TRPM7: variants seen among roughly 807,000 people sequenced by gnomAD.
The protein encoded by TRPM7 is LTRPC ion channel family member 7.
In TRPM7, 134 loss-of-function variants were observed where a neutral mutation model predicts 229.7. The ratio of observed to expected loss-of-function variants is 0.58; its 90% CI spans 0.51 to 0.67. TRPM7 has a LOEUF of 0.67. Among genes scored for constraint, TRPM7 ranks in the 30% least tolerant of loss-of-function variants. The pLI is 0.00. For synonymous variants in TRPM7, 699 were observed against 715.2 expected, an observed-to-expected ratio of 0.98 and a Z score of 0.36; for missense variants, 1,901 against 2,210.0, an observed-to-expected ratio of 0.86 and a Z score of 2.80.
intron 1 of TRPM7, among the ~76,000 whole-genome samples, chr15:50,666,273 C>T (rs923302254): frequency 2.7e-5 from 4 of 150,436 alleles, no homozygotes; most frequent in East Asian, 2.0e-4. Flanking sequence ...CCCATCTCTA[C>T]GAAAAATACA....
At position 50,574,492 on chromosome 15, in the gene TRPM7, A is replaced by C. The variant is rs2141502116; in HGVS notation, c.5103-13T>G. 1 of 1,594,358 alleles carries C rather than the reference A, an allele frequency of 6.3e-7. No individual in the cohort carries two copies. The highest frequency in any genetic ancestry group is 8.5e-7 in the Non-Finnish European group (1 of 1,170,246). ...AACTTCAAGGAACCTTATAAAAAAT[A>C]GTTATAAATATTACTAGCAGTTTTG... On this transcript the variant is annotated splice_polypyrimidine_tract_variant and intron_variant, in intron 35 of 38. Coordinates refer to ENST00000646667, the MANE Select transcript of TRPM7 (RefSeq NM_017672.6).
At chr15:50,650,332 G>A (rs1376566368) in intron 3 of TRPM7, among the ~76,000 whole-genome samples, 1 of 151,386 alleles carries the variant, frequency 6.6e-6, no homozygotes, top group Non-Finnish European at 1.5e-5. Context: ...CCAGAGTAGA[G>A]ATCTCATAAC....
rs1469862010 is a variant in TRPM7, at chr15:50,575,091, T to C, written c.4780A>G (p.Ile1594Val). 1 of 1,614,024 alleles carries C rather than the reference T, an allele frequency of 6.2e-7. No individual in the cohort carries two copies. The highest frequency in any genetic ancestry group is 1.3e-5 in the African/African-American group (1 of 75,050). ...CAAGAAGACATGCTGTTATTTAGTA[T>C]GTTGGGTGAACTCTCTTCCAAACGA... ...VYRLEESSPN[I>V]LNNSMSSWSQ... Residue 1594 changes from isoleucine to valine, a missense_variant, in exon 34 of 39, where the codon ATA becomes GTA. This residue lies in a region of TRPM7 where 257 missense variants were observed against 352.0 expected (regional missense o/e 0.73). Transcript: ENST00000646667.
At chr15:50,630,206 T>C (rs2060690624) in intron 10 of TRPM7, among the ~76,000 whole-genome samples, 1 of 151,866 alleles carries the variant, frequency 6.6e-6, no homozygotes, top group Non-Finnish European at 1.5e-5. Context: ...TTTTTTTTCC[T>C]TTTTGGTTTC....
At chr15:50,678,873 C>A (rs145898779) in intron 1 of TRPM7, among the ~76,000 whole-genome samples, 7 of 150,290 alleles carry the variant, frequency 4.7e-5, no homozygotes, top group Non-Finnish European at 1.0e-4. Flanking sequence ...TTTGCAAAAA[C>A]AAAAAAAAAA....
chr15:50,625,888 G>A (rs1364054018), intron 11 of TRPM7, among the ~76,000 whole-genome samples: 1 of 152,002 alleles, frequency 6.6e-6, no homozygotes, highest in African/African-American at 2.4e-5. Context: ...TACATTATTA[G>A]GCTGTAGTTT....
In TRPM7 at chr15:50,574,919, A is replaced by G; in HGVS notation, c.4952T>C (p.Leu1651Pro). The G allele has an allele frequency of 6.2e-7, 1 of 1,613,942 alleles. No individual in the cohort carries two copies. The highest frequency in any genetic ancestry group is 1.1e-5 in the South Asian group (1 of 91,080). ...SGHLYIIKSF[L>P]PEVVNTWSSI... ...TGACCATGTATTAACCACCTCTGGAAGAAAAGATTTGATAATATAAAGATG... is the reference window on the plus strand; with the variant it reads ...TGACCATGTATTAACCACCTCTGGAGGAAAAGATTTGATAATATAAAGATG... The change falls in exon 34 of 39, where the codon CTT becomes CCT. Residue 1651 changes from leucine to proline, a missense_variant. Coordinates refer to ENST00000646667, the MANE Select transcript of TRPM7 (RefSeq NM_017672.6).
intron 21 of TRPM7, among the ~76,000 whole-genome samples, chr15:50,603,092 A>T (rs1359832906): frequency 6.6e-6 from 1 of 152,208 alleles, no homozygotes; most frequent in Non-Finnish European, 1.5e-5. Flanking sequence ...AAGAATGCCA[A>T]AATGTGTGAA....
intron 1 of TRPM7, among the ~76,000 whole-genome samples, chr15:50,674,529 GTTT>G (rs1488647169): frequency 6.6e-6 from 1 of 152,100 alleles, no homozygotes; most frequent in Non-Finnish European, 1.5e-5. Flanking sequence ...ATTTTTAATG[GTTT>G]TTGTCTTTTA....
chr15:50,622,296 G>T (rs2060431333), intron 12 of TRPM7, among the ~76,000 whole-genome samples: 1 of 152,048 alleles, frequency 6.6e-6, no homozygotes, highest in Non-Finnish European at 1.5e-5. Flanking sequence ...AAATCAAAAA[G>T]TTTGAGAACT....
At chr15:50,579,734 C>T (rs1225394106) in intron 30 of TRPM7, among the ~76,000 whole-genome samples, 2 of 152,156 alleles carry the variant, frequency 1.3e-5, no homozygotes, top group Non-Finnish European at 2.9e-5. Context: ...TGAGCAGCTG[C>T]TTATCCTGTG....
chr15:50,579,612 C>T (rs2054305356), intron 30 of TRPM7, among the ~76,000 whole-genome samples: 1 of 152,180 alleles, frequency 6.6e-6, no homozygotes, highest in South Asian at 2.1e-4. Context: ...ACTTGAAGTG[C>T]CTATTTTGTA....
chr15:50,653,333 A>G lies in TRPM7; in HGVS notation c.122+4448T>C, dbSNP rs1274339637. 3.9e-5 allele frequency among the ~76,000 whole-genome samples: 6 copies of G among 152,226 alleles called. No homozygotes were observed. The South Asian group carries it at 1.2e-3, about 31-fold the overall frequency. ...GGACAAAACTGAATGTCTGTTCATT[A>G]TAAGCACTGTCAGCAAACTAGGAAA... is the stretch of plus-strand genomic sequence containing the variant. On this transcript the variant is annotated intron_variant, in intron 3 of 38. Coordinates refer to ENST00000646667, the MANE Select transcript of TRPM7 (RefSeq NM_017672.6).
rs756557458 is a variant in TRPM7, at chr15:50,613,843, T to C, written c.1636-2A>G. 4.4e-6 allele frequency: 7 copies of C among 1,604,816 alleles called. No individual in the cohort carries two copies. Among genetic ancestry groups the C allele is most frequent in the Non-Finnish European group, 5.1e-6 (6 of 1,177,926 alleles). ...GCTGGAGGTATTTCGGCCAGACCTCTGAAAATGAGATCTTATTAGCTTTTA... is the reference window on the plus strand; with the variant it reads ...GCTGGAGGTATTTCGGCCAGACCTCCGAAAATGAGATCTTATTAGCTTTTA... On this transcript the variant is annotated splice_acceptor_variant, in intron 14 of 38. Coordinates refer to ENST00000646667, the MANE Select transcript of TRPM7 (RefSeq NM_017672.6). LOFTEE classifies it high-confidence loss of function.
At chr15:50,633,716 C>A (rs947646965) in intron 8 of TRPM7, among the ~76,000 whole-genome samples, 2 of 152,092 alleles carry the variant, frequency 1.3e-5, no homozygotes, top group Non-Finnish European at 2.9e-5. Context: ...TACTTTGTTC[C>A]AATCTTTTAT....
intron 28 of TRPM7, among the ~76,000 whole-genome samples, chr15:50,584,952 T>A (rs1318681867): frequency 6.6e-6 from 1 of 152,088 alleles, no homozygotes; most frequent in Non-Finnish European, 1.5e-5. Context: ...CTTGGCTCAC[T>A]GCAACCTCCA....
chr15:50,607,101 C>T, intron 20 of TRPM7, 99 bp downstream of exon 20: 2 of 979,160 alleles, frequency 2.0e-6, no homozygotes, highest in Non-Finnish European at 3.0e-6. Flanking sequence ...TGTCATCATA[C>T]ACACACACAC....
intron 36 of TRPM7, among the ~76,000 whole-genome samples, chr15:50,570,493 CTTAG>C (rs2053824171): frequency 6.6e-6 from 1 of 152,038 alleles, no homozygotes; most frequent in Non-Finnish European, 1.5e-5. Context: ...CTTGTTTCAT[CTTAG>C]TTAGCAAAGA....
Position 50,609,903 on chromosome 15 carries a change from G to A in TRPM7, c.2339C>T (p.Ala780Val). The A allele has an allele frequency of 6.2e-7, 1 of 1,612,728 alleles. No individual in the cohort carries two copies. The highest frequency in any genetic ancestry group is 8.5e-7 in the Non-Finnish European group (1 of 1,179,230). ...AILLLEYKTKAEMSHIPQSQD... is the reference protein window; with the variant it reads ...AILLLEYKTKVEMSHIPQSQD... ...AGATTGTGGGATATGGGACATTTCA[G>A]CCTTAGTTTTATACTCTAACAGCAA... Residue 780 changes from alanine to valine, a missense_variant, in exon 18 of 39, where the codon GCT becomes GTT. Transcript: ENST00000646667.
Sources: gnomAD v4.1 joint callset for allele counts (sites outside exome capture counted in the v4.1 genomes callset) on GRCh38, gnomAD v4.1.1 for gene constraint, gnomAD v4.1.1 regional missense constraint, MANE v1.5 for transcripts, NCBI Gene and HGNC (gene_info 2026-07-23, HGNC 2026-07-21) for gene names.